The following RALYL variants were observed in gnomAD, a reference collection of about 807,000 sequenced individuals.
RALYL encodes RALY RNA binding protein like.
RALYL carries 29 observed loss-of-function variants against 35.1 expected under a neutral mutation model. The observed-to-expected ratio is 0.83, with a 90% confidence interval of 0.61 to 1.13. The LOEUF is 1.13. RALYL is among the 50% of genes most tolerant of loss of function. The pLI is 0.00. For missense variants in RALYL, 359 were observed against 360.4 expected, an observed-to-expected ratio of 1.00 and a Z score of 0.03; for synonymous variants, 120 against 127.6, an observed-to-expected ratio of 0.94 and a Z score of 0.40.
chr8:84,372,899 T>G (rs928952373), intron 1 of RALYL, among the ~76,000 whole-genome samples: 6 of 137,260 alleles, frequency 4.4e-5, no homozygotes, highest in East Asian at 2.0e-4. Context: ...TTTTTTTTTT[T>G]TTTTTTTTTT....
intron 5 of RALYL, among the ~76,000 whole-genome samples, chr8:84,853,813 T>A (rs1480055265): frequency 1.3e-5 from 2 of 151,990 alleles, no homozygotes; most frequent in African/African-American, 4.8e-5. Flanking sequence ...TCTCATAAGT[T>A]ACGGTCTTCT....
At chr8:84,569,875 T>C (rs991844771) in intron 2 of RALYL, among the ~76,000 whole-genome samples, 2 of 151,876 alleles carry the variant, frequency 1.3e-5, no homozygotes, top group Non-Finnish European at 2.9e-5. Context: ...TTTGACCCTA[T>C]TGTCAAAAAT....
At chr8:84,706,179 G>A in intron 2 of RALYL, 1 of 926,664 alleles carries the variant, frequency 1.1e-6, no homozygotes, top group Non-Finnish European at 1.6e-6. Context: ...AGATACTGTA[G>A]CTTTTCTCAC....
intron 1 of RALYL, among the ~76,000 whole-genome samples, chr8:84,470,069 C>G (rs1462776093): frequency 2.0e-5 from 3 of 152,212 alleles, no homozygotes; most frequent in African/African-American, 4.8e-5. Context: ...CACCCGGTAC[C>G]TCAGATGGAA....
intron 2 of RALYL, among the ~76,000 whole-genome samples, chr8:84,728,867 G>T (rs1220122652): frequency 6.6e-6 from 1 of 152,062 alleles, no homozygotes; most frequent in Non-Finnish European, 1.5e-5. Flanking sequence ...ATGCTGTTTT[G>T]GTTACTGTAG....
intron 1 of RALYL, among the ~76,000 whole-genome samples, chr8:84,234,791 G>A (rs563784104): frequency 6.7e-6 from 1 of 149,506 alleles, no homozygotes; most frequent in Non-Finnish European, 1.5e-5. Flanking sequence ...TTGAGATGGA[G>A]TCTCGCTCTG....
At chr8:84,376,123 T>G (rs1856859263) in intron 1 of RALYL, among the ~76,000 whole-genome samples, 2 of 151,886 alleles carry the variant, frequency 1.3e-5, no homozygotes, top group South Asian at 4.1e-4. Flanking sequence ...ATTTAAAATC[T>G]AAGTCATTGT....
At chr8:84,483,524 T>C (rs1483196261) in intron 1 of RALYL, among the ~76,000 whole-genome samples, 1 of 152,150 alleles carries the variant, frequency 6.6e-6, no homozygotes, top group Non-Finnish European at 1.5e-5. Context: ...CTCTGTTCTT[T>C]ATTTAATAAT....
Position 84,577,965 on chromosome 8 carries a change from G to A in RALYL, c.256+48388G>A, listed in dbSNP as rs544978237. The stretch of plus-strand genomic sequence containing the variant: ...ACTTAGGGTATTGCTTTTACAGCTG[G>A]AAACCTCTGTGGCTGGTGGTGCCTT... On this transcript the variant is annotated intron_variant, in intron 2 of 8. Transcript: ENST00000521268. 2.5e-4 allele frequency among the ~76,000 whole-genome samples: 38 copies of A among 152,294 alleles called. No homozygotes were observed. The East Asian group carries it at 6.9e-3, about 28-fold the overall frequency.
At chr8:84,441,520 A>C (rs1364041730) in intron 1 of RALYL, among the ~76,000 whole-genome samples, 1 of 152,144 alleles carries the variant, frequency 6.6e-6, no homozygotes, top group African/African-American at 2.4e-5. Context: ...ATTGAAAAAT[A>C]ATTTTATTTT....
chr8:84,405,524 G>T (rs1254565864), intron 1 of RALYL, among the ~76,000 whole-genome samples: 1 of 152,006 alleles, frequency 6.6e-6, no homozygotes, highest in African/African-American at 2.4e-5. Flanking sequence ...TGATAAAGGG[G>T]ATATCACCAC....
intron 8 of RALYL, among the ~76,000 whole-genome samples, chr8:84,890,680 A>G (rs1231615534): frequency 6.6e-6 from 1 of 152,128 alleles, no homozygotes; most frequent in African/African-American, 2.4e-5. Context: ...GTCTGGGATC[A>G]CACTTTGAGA....
chr8:84,455,903 C>T (rs1457137579), intron 1 of RALYL, among the ~76,000 whole-genome samples: 2 of 151,970 alleles, frequency 1.3e-5, no homozygotes, highest in African/African-American at 2.4e-5. Flanking sequence ...TAGAATCTTC[C>T]TGGTTTCATC....
At chr8:84,654,308 T>TAC (rs1564316682) in intron 2 of RALYL, among the ~76,000 whole-genome samples, 4 of 136,042 alleles carry the variant, frequency 2.9e-5, no homozygotes, top group African/African-American at 8.1e-5. Flanking sequence ...TATATATATA[T>TAC]ATATATCATG....
intron 2 of RALYL, among the ~76,000 whole-genome samples, chr8:84,635,016 T>C (rs1824740779): frequency 6.6e-6 from 1 of 151,624 alleles, no homozygotes; most frequent in Non-Finnish European, 1.5e-5. Context: ...TGCCAGATAA[T>C]GGTGGTAAAA....
chr8:84,903,479 G>C (rs1286056400), intron 8 of RALYL, among the ~76,000 whole-genome samples: 4 of 152,020 alleles, frequency 2.6e-5, no homozygotes, highest in Non-Finnish European at 4.4e-5. Flanking sequence ...CCTAAACACA[G>C]AGAGACAGAC....
At chr8:84,571,795 T>A (rs1309641373) in intron 2 of RALYL, among the ~76,000 whole-genome samples, 4 of 151,810 alleles carry the variant, frequency 2.6e-5, no homozygotes, top group Non-Finnish European at 4.4e-5. Context: ...TTCCAGAGGT[T>A]TTTGTTTATA....
chr8:84,185,004 T>TA (rs749775636), intron 1 of RALYL: 126 of 1,613,918 alleles, frequency 7.8e-5, no homozygotes, highest in Middle Eastern at 1.7e-4. Context: ...TCGCAATGAG[T>TA]AAACGACGCA....
At chr8:84,794,559 C>A (rs1029803095) in intron 3 of RALYL, among the ~76,000 whole-genome samples, 2 of 152,186 alleles carry the variant, frequency 1.3e-5, no homozygotes, top group Non-Finnish European at 2.9e-5. Flanking sequence ...GAAAGTATTT[C>A]TTTTCAGAAA....
Sources: allele counts gnomAD v4.1 joint callset (sites outside exome capture counted in the v4.1 genomes callset), GRCh38; gene constraint gnomAD v4.1.1; transcripts MANE v1.5; gene names NCBI Gene and HGNC (gene_info 2026-07-23, HGNC 2026-07-21).